Variants in AADACL2 observed in about 807,000 individuals in gnomAD.
AADACL2 encodes the protein arylacetamide deacetylase like 2.
AADACL2 carries 23 observed loss-of-function variants against 22.3 expected under a neutral mutation model. The observed-to-expected ratio is 1.03, with a 90% CI of 0.74 to 1.46. The LOEUF is 1.46. Among genes scored for constraint, AADACL2 ranks in the 40% most tolerant of loss-of-function variants. The pLI, the probability that AADACL2 is intolerant of heterozygous loss-of-function variation, is 0.00. For synonymous variants in AADACL2, 177 were observed against 166.2 expected (o/e 1.07, Z -0.50); for missense variants, 472 against 482.9 (o/e 0.98, Z 0.21).
At chr3:151,740,989 T>C in intron 2 of AADACL2, 121 bp downstream of exon 2, 1 of 762,948 alleles carries the variant, frequency 1.3e-6, no homozygotes, top group South Asian at 2.2e-5. Context: ...TGTCTGGATA[T>C]GGATAAGTAT....
intron 4 of AADACL2, 82 bp downstream of exon 4, chr3:151,745,762 C>G (rs1240192716): frequency 3.6e-6 from 5 of 1,397,036 alleles, no homozygotes; most frequent in Non-Finnish European, 4.8e-6. Flanking sequence ...CTTCCCCCAC[C>G]ATTTGTTGAA....
At chr3:151,749,588 T>C (rs73164688) in intron 4 of AADACL2, among the ~76,000 whole-genome samples, 28,896 of 152,096 alleles carry the variant, frequency 0.19, 2,842 homozygotes, top group East Asian at 0.27. Context: ...GTTCATGCCA[T>C]TCTCCTGCCT....
chr3:151,743,676 G>A (rs1053157830), intron 2 of AADACL2, among the ~76,000 whole-genome samples: 2 of 152,044 alleles, frequency 1.3e-5, no homozygotes, highest in Admixed American at 6.6e-5. Flanking sequence ...TTTTTCCTCC[G>A]ACTTCTGAAC....
At chr3:151,748,635 A>G (rs1713541020) in intron 4 of AADACL2, among the ~76,000 whole-genome samples, 1 of 152,202 alleles carries the variant, frequency 6.6e-6, no homozygotes, top group Non-Finnish European at 1.5e-5. Context: ...ATTAAAAACA[A>G]TCTGGCTTCC....
Position 151,745,686 on chromosome 3 carries a change from T to C in AADACL2, c.603+6T>C. ...CAACAGCGGTCACTCAACAGGTACA[T>C]TATATTTGTTTTTATGATAGGAGGC... On this transcript the variant is annotated splice_donor_region_variant and intron_variant, in intron 4 of 4. Transcript: ENST00000356517. 1.3e-6 allele frequency: 2 copies of C among 1,566,934 alleles called. No homozygotes were observed. The highest frequency in any genetic ancestry group is 1.7e-6 in the Non-Finnish European group (2 of 1,161,098).
At position 151,757,529 on chromosome 3, in the gene AADACL2, T is replaced by C. The variant is rs1161614084; in HGVS notation, c.1141T>C (p.Phe381Leu). 5 of 1,613,472 alleles carry C rather than the reference T, an allele frequency of 3.1e-6. No individual in the cohort carries two copies. The highest frequency in any genetic ancestry group is 4.2e-6 in the Non-Finnish European group (5 of 1,179,552). Residue 381 changes from phenylalanine to leucine, a missense_variant, in exon 5 of 5, where the codon TTT becomes CTT. Around this residue, in one of 3 missense-constraint regions of AADACL2, gnomAD observed 113 missense variants for 100.9 expected, o/e 1.12. Coordinates refer to ENST00000356517, the MANE Select transcript of AADACL2 (RefSeq NM_207365.4). Reference protein sequence around the residue: ...HGALSFMTSPFYLRLGLRIRD... With the variant: ...HGALSFMTSPLYLRLGLRIRD... ...AGCTTTATCATTCATGACTTCACCA[T>C]TTTATTTACGTCTAGGTCTTAGGAT...
At position 151,757,227 on chromosome 3, in the gene AADACL2, T is replaced by G; in HGVS notation, c.839T>G (p.Phe280Cys). The G allele has an allele frequency of 6.2e-7, 1 of 1,613,726 alleles. No homozygotes were observed. The highest frequency in any genetic ancestry group is 2.2e-5 in the East Asian group (1 of 44,862). Residue 280 changes from phenylalanine (F) to cysteine (C), a missense_variant, in exon 5 of 5, where the codon TTT (phenylalanine) becomes TGT (cysteine). Phe to Cys is a radical substitution (Grantham distance 205). Around this residue, in one of 3 missense-constraint regions of AADACL2, gnomAD observed 356 missense variants for 365.5 expected, o/e 0.97. Transcript: ENST00000356517. ...MPLESRHLFKFVNWSILLPEK... is the reference protein window; with the variant it reads ...MPLESRHLFKCVNWSILLPEK... ...CTGGAGTCAAGACATCTGTTTAAGTTTGTTAACTGGAGTATTCTTCTTCCT... is the reference window on the plus strand; with the variant it reads ...CTGGAGTCAAGACATCTGTTTAAGTGTGTTAACTGGAGTATTCTTCTTCCT...
chr3:151,755,634 C>A (rs1168551910), intron 4 of AADACL2, among the ~76,000 whole-genome samples: 1 of 152,042 alleles, frequency 6.6e-6, no homozygotes. Flanking sequence ...CCTTGAATGG[C>A]AAAGTAACAA....
chr3:151,740,539 T>G, intron 1 of AADACL2, 107 bp from the exon 2 acceptor site: 2 of 723,510 alleles, frequency 2.8e-6, no homozygotes, highest in South Asian at 4.9e-5. Context: ...GTCTATTTCT[T>G]TTTGTTTACC....
chr3:151,737,102 T>C (rs2197782), intron 1 of AADACL2, among the ~76,000 whole-genome samples: 54,111 of 152,086 alleles, frequency 0.36, 9,873 homozygotes, highest in Middle Eastern at 0.5. Context: ...CATTTAGTGG[T>C]ATAAATTTCC....
chr3:151,747,164 A>G (rs1174327761), intron 4 of AADACL2, among the ~76,000 whole-genome samples: 2 of 152,196 alleles, frequency 1.3e-5, no homozygotes, highest in Admixed American at 1.3e-4. Flanking sequence ...ATGTTTTGAT[A>G]TATGTATGCA....
At chr3:151,756,841 G>T in intron 4 of AADACL2, 151 bp from the exon 5 acceptor site, 1 of 521,674 alleles carries the variant, frequency 1.9e-6, no homozygotes, top group Admixed American at 4.6e-5. Context: ...TTATGCCATG[G>T]TAATATATTA....
In AADACL2 at chr3:151,757,214, C is replaced by T; in HGVS notation, c.826C>T (p.His276Tyr). 1.2e-6 allele frequency: 2 copies of T among 1,613,672 alleles called. No homozygotes were observed. Among genetic ancestry groups the T allele is most frequent in the Non-Finnish European group, 1.7e-6 (2 of 1,179,696 alleles). ...RNQHMPLESR[H>Y]LFKFVNWSIL... ...CCAACACATGCCTCTGGAGTCAAGA[C>T]ATCTGTTTAAGTTTGTTAACTGGAG... is the stretch of plus-strand genomic sequence containing the variant. The change falls in exon 5 of 5, where the codon CAT (histidine) becomes TAT (tyrosine). Residue 276 changes from histidine (H) to tyrosine (Y), a missense_variant. This residue lies in a region of AADACL2 where 356 missense variants were observed against 365.5 expected (regional missense o/e 0.97). Coordinates refer to ENST00000356517, the MANE Select transcript of AADACL2 (RefSeq NM_207365.4).
intron 1 of AADACL2, among the ~76,000 whole-genome samples, chr3:151,739,364 T>C (rs1283858572): frequency 3.9e-5 from 6 of 152,220 alleles, no homozygotes; most frequent in Non-Finnish European, 7.3e-5. Context: ...CTCCTTCCTC[T>C]GGAAGCTTCA....
At position 151,740,717 on chromosome 3, in the gene AADACL2, T is replaced by C. The variant is rs1713251791; in HGVS notation, c.210T>C (p.Tyr70=). 2 of 1,613,842 alleles carry C rather than the reference T, an allele frequency of 1.2e-6. No individual in the cohort carries two copies. Among genetic ancestry groups the C allele is most frequent in the South Asian group, 1.1e-5 (1 of 91,076 alleles). ...EFISMIFRLD[Y]TQPLSDEYIT... ...TATCCATGATATTCAGGCTGGATTA[T>C]ACCCAACCACTTTCAGATGAATACA... Residue 70 remains tyrosine, a synonymous_variant, in exon 2 of 5, where the codon TAT becomes TAC. Coordinates refer to ENST00000356517, the MANE Select transcript of AADACL2 (RefSeq NM_207365.4).
chr3:151,761,151 ATATATATGGTGAGATATATATT>A lies in AADACL2; in HGVS notation c.*3565_*3586del, dbSNP rs1714130915. The A allele has an allele frequency of 4.2e-5, 4 of 95,496 alleles. No homozygotes were observed. In the South Asian group the frequency reaches 1.2e-3, roughly 29 times the overall value. The allele number at this position is 95,496 out of a possible 1,614,324, so 5.9% of individuals were successfully genotyped here. ...TATATTTATATATGGTGAGATATAT[ATATATATGGTGAGATATATATT>A]TATATATATGGTGAGATATATACAT... On this transcript the variant is annotated 3_prime_UTR_variant, in exon 5 of 5. Coordinates refer to ENST00000356517, the MANE Select transcript of AADACL2 (RefSeq NM_207365.4).
rs572039890 is a variant in AADACL2, at chr3:151,753,553, G to A, written c.604-3439G>A. Among the ~76,000 whole-genome samples, 5 of 152,264 alleles carry A rather than the reference G, an allele frequency of 3.3e-5. No individual in the cohort carries two copies. In the South Asian group the frequency reaches 1.0e-3, roughly 32 times the overall value. On this transcript the variant is annotated intron_variant, in intron 4 of 4. Coordinates refer to ENST00000356517, the MANE Select transcript of AADACL2 (RefSeq NM_207365.4). ...CTCATTGGCTAGTTGTGTATTGTTG[G>A]AATCAAGTTTGGAGTTGTTAGGGGT...
In AADACL2 at chr3:151,757,526, C is replaced by T; in HGVS notation, c.1138C>T (p.Pro380Ser). 6.2e-7 allele frequency: 1 copy of T among 1,613,344 alleles called. No homozygotes were observed. Among genetic ancestry groups the T allele is most frequent in the Non-Finnish European group, 8.5e-7 (1 of 1,179,520 alleles). ...IHGALSFMTS[P>S]FYLRLGLRIR... is the part of the protein sequence containing the mutation. ...TGGAGCTTTATCATTCATGACTTCA[C>T]CATTTTATTTACGTCTAGGTCTTAG... The change falls in exon 5 of 5, where the codon CCA becomes TCA. Residue 380 changes from proline (P) to serine (S), a missense_variant. Pro to Ser is a moderately conservative substitution (Grantham distance 74). Transcript: ENST00000356517.
At chr3:151,739,298 C>G (rs1412988459) in intron 1 of AADACL2, among the ~76,000 whole-genome samples, 1 of 152,090 alleles carries the variant, frequency 6.6e-6, no homozygotes, top group Admixed American at 6.5e-5. Flanking sequence ...CACTCCAGAC[C>G]CTGTTTGCCT....
Sources: allele counts gnomAD v4.1 joint callset (sites outside exome capture counted in the v4.1 genomes callset), GRCh38; gene constraint gnomAD v4.1.1; regional missense constraint gnomAD v4.1.1; transcripts MANE v1.5; gene names NCBI Gene and HGNC (gene_info 2026-07-23, HGNC 2026-07-21).